The following EXOC4 variants were observed in gnomAD, a reference collection of about 807,000 sequenced individuals.
The protein encoded by EXOC4 is SEC8-like 1.
In EXOC4, 71 loss-of-function variants were observed where a neutral mutation model predicts 107.2. That is an observed-to-expected ratio of 0.66 (90% CI 0.55 to 0.81). The LOEUF is 0.81. Among genes scored for constraint, EXOC4 ranks in the 30% least tolerant of loss-of-function variants. The pLI is 0.00. For missense variants in EXOC4, 1,108 were observed against 1,189.6 expected, an observed-to-expected ratio of 0.93 and a Z score of 1.01; for synonymous variants, 456 against 441.2, an observed-to-expected ratio of 1.03 and a Z score of -0.42.
Position 133,475,324 on chromosome 7 carries a change from A to G in EXOC4, c.1183-4A>G, listed in dbSNP as rs1222345955. 5 of 1,607,808 alleles carry G rather than the reference A, an allele frequency of 3.1e-6. No individual in the cohort carries two copies. The Admixed American group carries it at 8.4e-5, about 27-fold the overall frequency. On this transcript the variant is annotated splice_polypyrimidine_tract_variant and splice_region_variant and intron_variant, in intron 7 of 17. Transcript: ENST00000253861. Reference sequence around the variant, plus strand: ...AACATTAACTGATTTATCTGGTTGTACAGATGCTATTAACTGAGTACTTGG... The same window carrying G: ...AACATTAACTGATTTATCTGGTTGTGCAGATGCTATTAACTGAGTACTTGG...
intron 3 of EXOC4, among the ~76,000 whole-genome samples, chr7:133,301,820 C>A (rs577705227): frequency 6.6e-6 from 1 of 152,262 alleles, no homozygotes; most frequent in East Asian, 1.9e-4. Flanking sequence ...ATTTCTTCAA[C>A]AAAGCAGCTG....
chr7:133,795,243 A>C (rs1796790213), intron 10 of EXOC4, among the ~76,000 whole-genome samples: 1 of 152,162 alleles, frequency 6.6e-6, no homozygotes, highest in Admixed American at 6.5e-5. Context: ...TCCTCATTAA[A>C]GGGCTATAAA....
intron 7 of EXOC4, chr7:133,396,020 G>C (rs1320881851): frequency 6.6e-6 from 1 of 152,092 alleles, no homozygotes; most frequent in Non-Finnish European, 1.5e-5. Context: ...GTAGCATCAG[G>C]AATGATCTTT....
chr7:133,480,506 G>A (rs1799128994), intron 9 of EXOC4: 3 of 1,021,862 alleles, frequency 2.9e-6, no homozygotes, highest in South Asian at 3.3e-5. Context: ...TATGACAGGA[G>A]TACCTGAGAT....
intron 9 of EXOC4, among the ~76,000 whole-genome samples, chr7:133,590,768 C>G (rs889348800): frequency 6.6e-6 from 1 of 152,200 alleles, no homozygotes; most frequent in African/African-American, 2.4e-5. Flanking sequence ...GTAATAAAAT[C>G]CCTTGCATCT....
At chr7:133,904,392 C>T (rs6955061) in intron 12 of EXOC4, among the ~76,000 whole-genome samples, 94,223 of 152,024 alleles carry the variant, frequency 0.62, 31,625 homozygotes, top group African/African-American at 0.89. Flanking sequence ...TGTGTTATTT[C>T]TCTGTCATTC....
At chr7:133,263,656 A>C (rs1793637658) in intron 1 of EXOC4, among the ~76,000 whole-genome samples, 1 of 152,146 alleles carries the variant, frequency 6.6e-6, no homozygotes, top group African/African-American at 2.4e-5. Context: ...TGCTGGGATT[A>C]CATGAGCCAC....
intron 11 of EXOC4, among the ~76,000 whole-genome samples, chr7:133,880,379 G>A (rs998117866): frequency 1.3e-5 from 2 of 152,096 alleles, no homozygotes; most frequent in African/African-American, 2.4e-5. Context: ...CAGCCTTAAG[G>A]TGCTTTTGAA....
intron 11 of EXOC4, among the ~76,000 whole-genome samples, chr7:133,855,038 T>TAC: frequency 1.1e-5 from 1 of 89,072 alleles, no homozygotes; most frequent in Admixed American, 1.6e-4. Flanking sequence ...TATATCTAAA[T>TAC]ATATATATAT....
chr7:133,904,945 C>T (rs186936955), intron 12 of EXOC4, among the ~76,000 whole-genome samples: 28 of 152,196 alleles, frequency 1.8e-4, no homozygotes, highest in Middle Eastern at 3.4e-3. Flanking sequence ...CTAATTTGGA[C>T]GGCCAAATCC....
chr7:133,253,173 C>T lies in EXOC4; in HGVS notation c.72C>T (p.Leu24=), dbSNP rs781769901. The T allele has an allele frequency of 1.2e-5, 20 of 1,614,008 alleles. No individual in the cohort carries two copies. The highest frequency in any genetic ancestry group is 2.2e-5 in the East Asian group (1 of 44,888). Residue 24 remains leucine, a synonymous_variant, in exon 1 of 18, where the codon CTC becomes CTT. Coordinates refer to ENST00000253861, the MANE Select transcript of EXOC4 (RefSeq NM_021807.4). ...VSKSKDPSGL[L]ISVIRTLSTS... ...AAAGCAAAGACCCCTCGGGGCTGCT[C>T]ATCTCTGTGATCAGGTGAGGGAGGC...
intron 9 of EXOC4, among the ~76,000 whole-genome samples, chr7:133,586,997 A>AT (rs796678009): frequency 5.9e-5 from 9 of 151,300 alleles, no homozygotes; most frequent in African/African-American, 1.7e-4. Context: ...TGCCTGGCTA[A>AT]TTTTTTTTGT....
At chr7:133,325,831 T>C (rs1316064998) in intron 5 of EXOC4, among the ~76,000 whole-genome samples, 2 of 152,244 alleles carry the variant, frequency 1.3e-5, no homozygotes, top group African/African-American at 4.8e-5. Context: ...CCATTCTCCC[T>C]GTCGCTTTCA....
chr7:133,369,876 G>T (rs906891744), intron 6 of EXOC4, among the ~76,000 whole-genome samples: 3 of 138,526 alleles, frequency 2.2e-5, no homozygotes, highest in African/African-American at 8.4e-5. Context: ...GCGCAATTTG[G>T]CTCACCCAAC....
chr7:133,932,498 A>G (rs1033575876), intron 13 of EXOC4, among the ~76,000 whole-genome samples: 4 of 152,230 alleles, frequency 2.6e-5, no homozygotes, highest in Non-Finnish European at 5.9e-5. Flanking sequence ...GTGAATGCAT[A>G]TGTACCATAT....
At chr7:133,973,077 T>C (rs1801279423) in intron 14 of EXOC4, among the ~76,000 whole-genome samples, 1 of 152,200 alleles carries the variant, frequency 6.6e-6, no homozygotes, top group Non-Finnish European at 1.5e-5. Context: ...GAAGTATTTG[T>C]GGATAGTTCA....
intron 11 of EXOC4, among the ~76,000 whole-genome samples, chr7:133,853,338 TCTC>T (rs1441543319): frequency 2.1e-5 from 3 of 142,770 alleles, no homozygotes; most frequent in African/African-American, 7.9e-5. Flanking sequence ...TCTCTCTCTC[TCTC>T]TTTAACACAC....
chr7:133,834,526 A>G (rs1229886788), intron 11 of EXOC4, among the ~76,000 whole-genome samples: 1 of 152,256 alleles, frequency 6.6e-6, no homozygotes, highest in Non-Finnish European at 1.5e-5. Context: ...CAACTGGCCA[A>G]GGAGGCACCC....
intron 4 of EXOC4, 121 bp from the exon 5 acceptor site, chr7:133,317,163 A>T: frequency 1.5e-6 from 1 of 679,634 alleles, no homozygotes; most frequent in South Asian, 1.7e-5. Context: ...TACTGGGGAG[A>T]TCCAGTTCCA....
Sources: allele counts gnomAD v4.1 joint callset (sites outside exome capture counted in the v4.1 genomes callset), GRCh38; gene constraint gnomAD v4.1.1; transcripts MANE v1.5; gene names NCBI Gene and HGNC (gene_info 2026-07-23, HGNC 2026-07-21).